KDM2A: variants seen among roughly 807,000 people sequenced by gnomAD.
KDM2A encodes the protein lysine-specific demethylase 2A.
A neutral mutation model predicts 137.3 loss-of-function variants in KDM2A; 3 were observed. The observed-to-expected ratio is 0.02, with a 90% CI of 0.01 to 0.06. The LOEUF is 0.06. Ranked by LOEUF, KDM2A falls within the 10% of genes least tolerant of loss-of-function variation. The pLI, the probability that KDM2A is intolerant of heterozygous loss-of-function variation, is 1.00. For missense variants in KDM2A, 738 were observed against 1,510.6 expected (o/e 0.49, Z 8.48); for synonymous variants, 512 against 541.5 (o/e 0.95, Z 0.76).
chr11:67,170,382 AT>A (rs780945952), intron 2 of KDM2A, among the ~76,000 whole-genome samples: 1 of 49,664 alleles, frequency 2.0e-5, no homozygotes, highest in South Asian at 1.6e-3. Context: ...CCTACCAAGC[AT>A]GGGGTTTTTT....
intron 12 of KDM2A, 36 bp downstream of exon 12, chr11:67,231,996 C>T: frequency 6.5e-7 from 1 of 1,541,066 alleles, no homozygotes; most frequent in African/African-American, 1.4e-5. Context: ...AGCTACTGAT[C>T]CAGCTATGGC....
At chr11:67,219,949 A>AATTTT (rs1386741302) in intron 10 of KDM2A, among the ~76,000 whole-genome samples, 1 of 151,766 alleles carries the variant, frequency 6.6e-6, no homozygotes, top group Non-Finnish European at 1.5e-5. Context: ...CTTTTTTTAA[A>AATTTT]ATTTTATTTT....
chr11:67,134,322 A>T (rs1300429141), intron 2 of KDM2A, among the ~76,000 whole-genome samples: 1 of 152,120 alleles, frequency 6.6e-6, no homozygotes, highest in Non-Finnish European at 1.5e-5. Context: ...GAGGCTAGGG[A>T]TGCTGCTAAA....
intron 2 of KDM2A, among the ~76,000 whole-genome samples, chr11:67,133,249 G>A (rs746574779): frequency 6.6e-6 from 1 of 151,974 alleles, no homozygotes; most frequent in Non-Finnish European, 1.5e-5. Context: ...ACAGGCGTGC[G>A]CCACCACACT....
chr11:67,197,031 T>G (rs955186447), intron 5 of KDM2A: 2 of 152,988 alleles, frequency 1.3e-5, no homozygotes, highest in African/African-American at 4.8e-5. Context: ...CTCGGTAATC[T>G]TCTTACTGCT....
chr11:67,129,795 C>G (rs1025040772), intron 2 of KDM2A, among the ~76,000 whole-genome samples: 1 of 150,826 alleles, frequency 6.6e-6, no homozygotes, highest in African/African-American at 2.4e-5. Flanking sequence ...CCTGTAATCC[C>G]AGCTACCCAG....
chr11:67,155,479 A>G (rs1165220212), intron 2 of KDM2A, among the ~76,000 whole-genome samples: 1 of 151,296 alleles, frequency 6.6e-6, no homozygotes, highest in African/African-American at 2.4e-5. Flanking sequence ...TAAGTTTTAA[A>G]TTGTTTTGGA....
chr11:67,240,013 C>T (rs1858979084), intron 12 of KDM2A: 3 of 1,281,106 alleles, frequency 2.3e-6, no homozygotes, highest in Non-Finnish European at 2.0e-6. Context: ...CTGGCTCGCT[C>T]ACTCTCGCTC....
intron 5 of KDM2A, among the ~76,000 whole-genome samples, chr11:67,194,053 A>C (rs1857422503): frequency 6.6e-6 from 1 of 152,202 alleles, no homozygotes. Flanking sequence ...TTAAAATTTA[A>C]TCTCATTTCT....
At chr11:67,148,241 G>T (rs1856300635) in intron 2 of KDM2A, among the ~76,000 whole-genome samples, 1 of 150,978 alleles carries the variant, frequency 6.6e-6, no homozygotes, top group Non-Finnish European at 1.5e-5. Flanking sequence ...GGACAACATT[G>T]CAAGACCGCA....
intron 2 of KDM2A, among the ~76,000 whole-genome samples, chr11:67,152,905 AGTGT>A (rs146532672): frequency 0.038 from 5,487 of 142,534 alleles, 301 homozygotes; most frequent in Admixed American, 0.16. Context: ...ACAGTGCCAG[AGTGT>A]GTGTGTGTGT....
intron 5 of KDM2A, among the ~76,000 whole-genome samples, chr11:67,201,772 CAAAAAAAAAAAAAAA>C (rs71056184): frequency 0.02 from 778 of 37,952 alleles, 14 homozygotes; most frequent in Middle Eastern, 0.054. Context: ...GACTCCATCT[CAAAAAAAAAAAAAAA>C]AAAAAAAAAA....
At chr11:67,145,344 G>A (rs145490991) in intron 2 of KDM2A, among the ~76,000 whole-genome samples, 109 of 151,878 alleles carry the variant, frequency 7.2e-4, no homozygotes, top group African/African-American at 2.4e-3. Flanking sequence ...CACAAAATTA[G>A]CCAGGTGTAG....
intron 5 of KDM2A, among the ~76,000 whole-genome samples, chr11:67,203,129 T>C (rs1857689508): frequency 6.6e-6 from 1 of 152,146 alleles, no homozygotes; most frequent in African/African-American, 2.4e-5. Flanking sequence ...TGAGGCAAGT[T>C]CCTCCACAGG....
At chr11:67,253,687 C>A in intron 19 of KDM2A, 76 bp downstream of exon 19, 1 of 1,456,652 alleles carries the variant, frequency 6.9e-7, no homozygotes, top group Non-Finnish European at 9.5e-7. Context: ...TCTTCAGAAG[C>A]TAAGGTAGTC....
intron 5 of KDM2A, among the ~76,000 whole-genome samples, chr11:67,183,189 G>A (rs1156803444): frequency 6.6e-6 from 1 of 152,184 alleles, no homozygotes; most frequent in African/African-American, 2.4e-5. Context: ...AATATAGTAG[G>A]TGCTCAGTAA....
intron 2 of KDM2A, among the ~76,000 whole-genome samples, chr11:67,133,699 G>A (rs1335983618): frequency 4.0e-5 from 6 of 151,820 alleles, no homozygotes; most frequent in Admixed American, 6.6e-5. Flanking sequence ...CACCGCACCC[G>A]GCTTCCAACT....
intron 15 of KDM2A, among the ~76,000 whole-genome samples, chr11:67,248,016 A>G (rs1205366211): frequency 6.6e-6 from 1 of 152,222 alleles, no homozygotes; most frequent in African/African-American, 2.4e-5. Flanking sequence ...AGTGAAGGTA[A>G]TAATATCAGC....
intron 2 of KDM2A, among the ~76,000 whole-genome samples, chr11:67,157,390 A>G (rs1856542109): frequency 6.6e-6 from 1 of 150,762 alleles, no homozygotes; most frequent in Non-Finnish European, 1.5e-5. Context: ...AGTGTGTGTG[A>G]TTGACTTTTT....
Sources: gnomAD v4.1 joint callset for allele counts (sites outside exome capture counted in the v4.1 genomes callset) on GRCh38, gnomAD v4.1.1 for gene constraint, MANE v1.5 for transcripts, NCBI Gene and HGNC (gene_info 2026-07-23, HGNC 2026-07-21) for gene names.